RNF13: variants seen among roughly 807,000 people sequenced by gnomAD.
RNF13 encodes E3 ubiquitin-protein ligase RNF13.
A neutral mutation model predicts 37.7 loss-of-function variants in RNF13; 19 were observed. That is an observed-to-expected ratio of 0.50 (90% confidence interval 0.35 to 0.74). The LOEUF (loss-of-function observed/expected upper bound fraction) is 0.74, where lower values mean the gene tolerates loss of function less well. Among genes scored for constraint, RNF13 ranks in the 30% least tolerant of loss-of-function variants. The probability of loss-of-function intolerance (pLI) is 0.01; values close to 1 mark genes in which losing one functional copy is unlikely to be tolerated. For synonymous variants in RNF13, 144 were observed against 157.8 expected, an observed-to-expected ratio of 0.91 and a Z score of 0.65; for missense variants, 375 against 453.0, an observed-to-expected ratio of 0.83 and a Z score of 1.56.
chr3:149,925,548 G>C (rs1039726597), intron 8 of RNF13, among the ~76,000 whole-genome samples: 1 of 151,896 alleles, frequency 6.6e-6, no homozygotes, highest in African/African-American at 2.4e-5. Flanking sequence ...ACACTTAGTT[G>C]CATTTAGGTA....
At chr3:149,911,130 TAGATAA>T (rs1716956614) in intron 6 of RNF13, among the ~76,000 whole-genome samples, 2 of 152,154 alleles carry the variant, frequency 1.3e-5, no homozygotes, top group South Asian at 4.1e-4. Context: ...CCATATCTCA[TAGATAA>T]TTGTAGAGTA....
At chr3:149,834,196 T>A (rs1296426513) in intron 1 of RNF13, among the ~76,000 whole-genome samples, 1 of 152,178 alleles carries the variant, frequency 6.6e-6, no homozygotes, top group Non-Finnish European at 1.5e-5. Flanking sequence ...CAAAGAAATC[T>A]ATGGATTCAA....
At position 149,822,917 on chromosome 3, in the gene RNF13, A is replaced by C. The variant is rs7636302; in HGVS notation, c.-17+9564A>C. Among the ~76,000 whole-genome samples the C allele has an allele frequency of 1.5e-3, 230 of 152,274 alleles. 1 individual carries two copies. Among genetic ancestry groups the C allele is most frequent in the African/African-American group, 5.2e-3 (215 of 41,580 alleles). On this transcript the variant is annotated intron_variant, in intron 1 of 9. Transcript: ENST00000392894. The stretch of plus-strand genomic sequence containing the variant: ...AATTTGAATATGTAAATTACCATTA[A>C]TATACATTAGTTTTTCTGTTTTTTC...
chr3:149,907,853 G>A (rs1716580593), intron 6 of RNF13, among the ~76,000 whole-genome samples: 1 of 152,164 alleles, frequency 6.6e-6, no homozygotes, highest in Admixed American at 6.5e-5. Flanking sequence ...TTGCACAAAT[G>A]TTTCTTTAGC....
chr3:149,852,694 A>G, intron 3 of RNF13, 98 bp downstream of exon 3: 1 of 555,832 alleles, frequency 1.8e-6, no homozygotes, highest in Admixed American at 3.5e-5. Context: ...CTTACTATTT[A>G]TTATTATAAA....
chr3:149,931,601 T>G (rs1482588672), intron 8 of RNF13, among the ~76,000 whole-genome samples: 1 of 152,202 alleles, frequency 6.6e-6, no homozygotes, highest in African/African-American at 2.4e-5. Flanking sequence ...ATGGGGTACA[T>G]GTTATATTTT....
intron 8 of RNF13, among the ~76,000 whole-genome samples, chr3:149,935,116 C>A (rs1576561552): frequency 6.6e-6 from 1 of 152,166 alleles, no homozygotes; most frequent in African/African-American, 2.4e-5. Context: ...CTGTAAATGT[C>A]AGTTATCATT....
At chr3:149,857,806 T>C (rs1723803091) in intron 3 of RNF13, among the ~76,000 whole-genome samples, 1 of 152,194 alleles carries the variant, frequency 6.6e-6, no homozygotes, top group Non-Finnish European at 1.5e-5. Context: ...CTTTTTCAAA[T>C]GGATAACCAA....
intron 2 of RNF13, among the ~76,000 whole-genome samples, chr3:149,850,572 A>G (rs1040905525): frequency 6.6e-6 from 1 of 152,250 alleles, no homozygotes; most frequent in Non-Finnish European, 1.5e-5. Context: ...AATTTTAGCT[A>G]TAATAGTGAA....
intron 1 of RNF13, among the ~76,000 whole-genome samples, chr3:149,835,633 T>TTGTGTGTGTGTGTGTGTGTG (rs3039646): frequency 6.3e-4 from 87 of 138,802 alleles, no homozygotes; most frequent in African/African-American, 2.0e-3. Context: ...TAGTATTCCA[T>TTGTGTGTGTGTGTGTGTGTG]TGTGTGTGTG....
At chr3:149,890,798 C>A (rs1043517702) in intron 4 of RNF13, among the ~76,000 whole-genome samples, 1 of 152,136 alleles carries the variant, frequency 6.6e-6, no homozygotes, top group African/African-American at 2.4e-5. Context: ...AATATCCCCA[C>A]CTTTTCCCAC....
intron 3 of RNF13, among the ~76,000 whole-genome samples, chr3:149,869,167 C>G (rs1293329985): frequency 6.6e-6 from 1 of 151,694 alleles, no homozygotes; most frequent in Non-Finnish European, 1.5e-5. Context: ...ATGTATTTCT[C>G]AGTTCCAAAA....
At chr3:149,870,097 G>A (rs1711839408) in intron 3 of RNF13, among the ~76,000 whole-genome samples, 1 of 151,770 alleles carries the variant, frequency 6.6e-6, no homozygotes. Flanking sequence ...TTGTAGTCCT[G>A]CTTCCCCTCT....
intron 1 of RNF13, among the ~76,000 whole-genome samples, chr3:149,828,275 T>C (rs1720699409): frequency 6.6e-6 from 1 of 152,226 alleles, no homozygotes; most frequent in African/African-American, 2.4e-5. Context: ...CAATGTTGTT[T>C]TGATGATTAG....
chr3:149,818,686 G>A (rs1719715153), intron 1 of RNF13, among the ~76,000 whole-genome samples: 1 of 152,110 alleles, frequency 6.6e-6, no homozygotes, highest in East Asian at 1.9e-4. Flanking sequence ...GCTGAGGTGG[G>A]CAGATCACTT....
intron 1 of RNF13, among the ~76,000 whole-genome samples, chr3:149,840,566 G>T (rs1256565694): frequency 6.6e-6 from 1 of 152,130 alleles, no homozygotes; most frequent in Non-Finnish European, 1.5e-5. Flanking sequence ...TATTCTATTT[G>T]CTGGGGGATA....
chr3:149,883,010 T>C (rs937883707), intron 4 of RNF13, among the ~76,000 whole-genome samples: 1 of 152,216 alleles, frequency 6.6e-6, no homozygotes, highest in Non-Finnish European at 1.5e-5. Context: ...TTATGTCTTA[T>C]ACATTCTCTC....
At chr3:149,815,148 A>T (rs1457932316) in intron 1 of RNF13, among the ~76,000 whole-genome samples, 1 of 152,048 alleles carries the variant, frequency 6.6e-6, no homozygotes, top group Non-Finnish European at 1.5e-5. Context: ...TTCCCTTGAT[A>T]TTTTTCTGCA....
chr3:149,884,903 C>G (rs748674213), intron 4 of RNF13, among the ~76,000 whole-genome samples: 1 of 151,662 alleles, frequency 6.6e-6, no homozygotes, highest in Admixed American at 6.6e-5. Flanking sequence ...CCCATCTCCC[C>G]CCACTACACT....
Sources: allele counts gnomAD v4.1 joint callset (sites outside exome capture counted in the v4.1 genomes callset), GRCh38; gene constraint gnomAD v4.1.1; transcripts MANE v1.5; gene names NCBI Gene and HGNC (gene_info 2026-07-23, HGNC 2026-07-21).